The following THSD7B variants were observed in gnomAD, a reference collection of about 807,000 sequenced individuals.
THSD7B encodes thrombospondin type-1 domain-containing protein 7B.
In THSD7B, 138 loss-of-function variants were observed where a neutral mutation model predicts 213.6. That is an observed-to-expected ratio of 0.65 (90% CI 0.56 to 0.74). The LOEUF (loss-of-function observed/expected upper bound fraction) is 0.74, where lower values mean the gene tolerates loss of function less well. THSD7B is among the 30% of genes least tolerant of loss of function. The probability of loss-of-function intolerance (pLI) is 0.00; values close to 1 mark genes in which losing one functional copy is unlikely to be tolerated. For missense variants in THSD7B, 1,931 were observed against 1,991.5 expected, an observed-to-expected ratio of 0.97 and a Z score of 0.58; for synonymous variants, 742 against 687.0, an observed-to-expected ratio of 1.08 and a Z score of -1.25.
chr2:137,341,337 T>C (rs1208973127), intron 12 of THSD7B, among the ~76,000 whole-genome samples: 3 of 150,368 alleles, frequency 2.0e-5, no homozygotes, highest in African/African-American at 7.3e-5. Context: ...ATATATTGAA[T>C]ATTAACCCCT....
chr2:137,141,358 TAGAC>T (rs1185124903), intron 5 of THSD7B, among the ~76,000 whole-genome samples: 3 of 151,914 alleles, frequency 2.0e-5, no homozygotes, highest in East Asian at 3.9e-4. Context: ...TCAGAAAAAA[TAGAC>T]AGCAGATTAG....
At position 136,777,421 on chromosome 2, in the gene THSD7B, C is replaced by G. The variant is rs151148130; in HGVS notation, c.-36+11734C>G. On this transcript the variant is annotated intron_variant, in intron 1 of 27. Transcript: ENST00000409968. ...GCTCAAGGTCTCCACTTTGCACTCA[C>G]TCTTCAAATCACCAGTCTGTATTCT... Among the ~76,000 whole-genome samples the G allele has an allele frequency of 5.9e-3, 905 of 152,278 alleles. 15 individuals carry two copies. Among genetic ancestry groups the G allele is most frequent in the African/African-American group, 0.02 (848 of 41,554 alleles).
intron 6 of THSD7B, among the ~76,000 whole-genome samples, chr2:137,170,063 C>T (rs1465031839): frequency 6.6e-6 from 1 of 152,092 alleles, no homozygotes; most frequent in East Asian, 1.9e-4. Context: ...TGTTGATTTG[C>T]ATTTGTGACT....
At chr2:136,828,940 G>A (rs1682702981) in intron 1 of THSD7B, among the ~76,000 whole-genome samples, 1 of 152,132 alleles carries the variant, frequency 6.6e-6, no homozygotes, top group South Asian at 2.1e-4. Flanking sequence ...TTTTGCACCT[G>A]ACACAGAGCA....
In THSD7B at chr2:136,794,278, C is replaced by T. The variant is rs189758125; in HGVS notation, c.-36+28591C>T. ...TAAATTTCAAATTTTTTTTATTTTT[C>T]CTCTAGGCAGAAGCTTAGATAATTG... is the stretch of plus-strand genomic sequence containing the variant. On this transcript the variant is annotated intron_variant, in intron 1 of 27. Coordinates refer to ENST00000409968, the MANE Select transcript of THSD7B (RefSeq NM_001316349.2). 2.4e-3 allele frequency among the ~76,000 whole-genome samples: 360 copies of T among 151,188 alleles called. 2 individuals are homozygous for T. Among genetic ancestry groups the T allele is most frequent in the African/African-American group, 8.0e-3 (332 of 41,340 alleles).
At chr2:137,371,957 T>C (rs1325729780) in intron 12 of THSD7B, among the ~76,000 whole-genome samples, 2 of 152,204 alleles carry the variant, frequency 1.3e-5, no homozygotes, top group Admixed American at 1.3e-4. Context: ...CTTGTATTTA[T>C]GACAGACATT....
intron 13 of THSD7B, among the ~76,000 whole-genome samples, chr2:137,407,829 GT>G (rs1686564237): frequency 6.6e-6 from 1 of 151,752 alleles, no homozygotes; most frequent in Non-Finnish European, 1.5e-5. Flanking sequence ...GTCATCACAG[GT>G]TTTAGACTCA....
chr2:137,483,181 T>C (rs1204414270), intron 15 of THSD7B, among the ~76,000 whole-genome samples: 2 of 152,238 alleles, frequency 1.3e-5, no homozygotes, highest in African/African-American at 2.4e-5. Flanking sequence ...AATTATAGTA[T>C]TAAGAGTTCA....
chr2:137,392,727 A>AT (rs1686062758), intron 12 of THSD7B, among the ~76,000 whole-genome samples: 1 of 152,148 alleles, frequency 6.6e-6, no homozygotes, highest in Non-Finnish European at 1.5e-5. Flanking sequence ...TAGGAGGAGC[A>AT]TAAATTTAAT....
intron 12 of THSD7B, among the ~76,000 whole-genome samples, chr2:137,337,929 A>G (rs1573969185): frequency 6.6e-6 from 1 of 152,002 alleles, no homozygotes; most frequent in African/African-American, 2.4e-5. Context: ...AATTTTTTTT[A>G]AGAGGAAAAC....
In THSD7B at chr2:137,094,862, G is replaced by GT; in HGVS notation, c.951-4dup. On this transcript the variant is annotated splice_polypyrimidine_tract_variant and intron_variant, in intron 3 of 27. Coordinates refer to ENST00000409968, the MANE Select transcript of THSD7B (RefSeq NM_001316349.2). ...ATATGGCCTCCTATTTTCTACTTCT[G>GT]TTTTTTTCAGCCTTTGCCTTCAAGA... The GT allele has an allele frequency of 6.2e-7, 1 of 1,606,932 alleles. No individual in the cohort carries two copies. The highest frequency in any genetic ancestry group is 2.2e-5 in the East Asian group (1 of 44,646).
chr2:137,359,457 G>C (rs996850702), intron 12 of THSD7B, among the ~76,000 whole-genome samples: 2 of 152,128 alleles, frequency 1.3e-5, no homozygotes, highest in African/African-American at 2.4e-5. Context: ...TGAAACCTTG[G>C]GGGGTGCTAG....
At chr2:137,283,518 T>A (rs1683087991) in intron 12 of THSD7B, among the ~76,000 whole-genome samples, 1 of 152,194 alleles carries the variant, frequency 6.6e-6, no homozygotes, top group African/African-American at 2.4e-5. Context: ...CCATTCAGTA[T>A]GATATTGGCT....
intron 2 of THSD7B, among the ~76,000 whole-genome samples, chr2:136,938,807 A>G (rs1257939924): frequency 1.3e-5 from 2 of 152,188 alleles, no homozygotes; most frequent in African/African-American, 4.8e-5. Flanking sequence ...CAATTCTGTA[A>G]TAGAGTAATC....
chr2:137,295,634 G>A (rs142476681), intron 12 of THSD7B, among the ~76,000 whole-genome samples: 21 of 151,914 alleles, frequency 1.4e-4, no homozygotes, highest in African/African-American at 5.1e-4. Flanking sequence ...TGCCACCATG[G>A]CCAGCTAACT....
chr2:137,356,234 A>G (rs1685125283), intron 12 of THSD7B, among the ~76,000 whole-genome samples: 2 of 152,184 alleles, frequency 1.3e-5, no homozygotes, highest in Non-Finnish European at 1.5e-5. Flanking sequence ...TCCACGTACC[A>G]GGGCTATACC....
intron 2 of THSD7B, among the ~76,000 whole-genome samples, chr2:137,054,334 A>T (rs1453298447): frequency 6.6e-6 from 1 of 152,208 alleles, no homozygotes; most frequent in Non-Finnish European, 1.5e-5. Flanking sequence ...TTTCTATGTT[A>T]ATCTCTCTCA....
At chr2:137,657,309 G>C (rs186783301) in intron 24 of THSD7B, 149 bp downstream of exon 24, 4 of 669,044 alleles carry the variant, frequency 6.0e-6, no homozygotes, top group Admixed American at 3.5e-5. Context: ...TTAGACGTTT[G>C]CATCTTAGAA....
chr2:137,010,391 A>C (rs1416470145), intron 2 of THSD7B, among the ~76,000 whole-genome samples: 1 of 152,246 alleles, frequency 6.6e-6, no homozygotes, highest in Non-Finnish European at 1.5e-5. Context: ...CAATTCTGTT[A>C]AGTTCCATGA....
Sources: gnomAD v4.1 joint callset for allele counts (sites outside exome capture counted in the v4.1 genomes callset) on GRCh38, gnomAD v4.1.1 for gene constraint, MANE v1.5 for transcripts, NCBI Gene and HGNC (gene_info 2026-07-23, HGNC 2026-07-21) for gene names.